GALK2: variants seen among roughly 807,000 people sequenced by gnomAD.
GALK2 encodes the protein galactokinase 2, also known as N-acetylgalactosamine kinase.
GALK2 carries 36 observed loss-of-function variants against 52.4 expected under a neutral mutation model. The observed-to-expected ratio is 0.69, with a 90% CI of 0.53 to 0.91. GALK2 has a LOEUF of 0.91. GALK2 is among the 40% of genes least tolerant of loss of function. The pLI, the probability that GALK2 is intolerant of heterozygous loss-of-function variation, is 0.00. For synonymous variants in GALK2, 176 were observed against 199.1 expected, an observed-to-expected ratio of 0.88 and a Z score of 0.98; for missense variants, 579 against 559.1, an observed-to-expected ratio of 1.04 and a Z score of -0.36.
Position 49,282,206 on chromosome 15 carries a change from T to C in GALK2, c.603+121T>C, listed in dbSNP as rs1024029564. ...GGACAGCCTACTATATTAGGCTCTATTGTAGGATATTATTTCCCAACTGCT... is the reference window on the plus strand; with the variant it reads ...GGACAGCCTACTATATTAGGCTCTACTGTAGGATATTATTTCCCAACTGCT... On this transcript the variant is annotated intron_variant, in intron 6 of 9. Coordinates refer to ENST00000560031, the MANE Select transcript of GALK2 (RefSeq NM_002044.4). 12 of 571,636 alleles carry C rather than the reference T, an allele frequency of 2.1e-5. No individual in the cohort carries two copies. In the African/African-American group the frequency reaches 2.3e-4, roughly 11 times the overall value. 35.4% of individuals were successfully genotyped at this position (571,636 alleles called of 1,614,324 possible). A position where few individuals can be genotyped will look rare whatever the true frequency, so the allele number is the denominator to read the frequency against.
intron 3 of GALK2, chr15:49,365,545 G>T (rs1306743285): frequency 1.1e-6 from 1 of 875,222 alleles, no homozygotes; most frequent in Non-Finnish European, 2.0e-6. Context: ...CAATGTTTCA[G>T]TATTTTCAAA....
intron 1 of GALK2, among the ~76,000 whole-genome samples, chr15:49,179,652 CTTT>C (rs71875041): frequency 0.15 from 21,251 of 138,132 alleles, 1,936 homozygotes; most frequent in Non-Finnish European, 0.21. Flanking sequence ...TTGTTTCTTT[CTTT>C]TTTTTTTTTT....
At chr15:49,273,057 C>G (rs530125758) in intron 5 of GALK2, among the ~76,000 whole-genome samples, 4 of 152,184 alleles carry the variant, frequency 2.6e-5, no homozygotes, top group East Asian at 3.8e-4. Context: ...ATCACGTTCT[C>G]TCCACTGTAC....
At chr15:49,184,806 T>C (rs2086230569) in intron 1 of GALK2, among the ~76,000 whole-genome samples, 1 of 152,192 alleles carries the variant, frequency 6.6e-6, no homozygotes, top group African/African-American at 2.4e-5. Context: ...ATTCATATCT[T>C]ATTGTCTATG....
At chr15:49,252,293 T>C (rs2091642549) in intron 5 of GALK2, among the ~76,000 whole-genome samples, 3 of 151,966 alleles carry the variant, frequency 2.0e-5, no homozygotes, top group South Asian at 4.2e-4. Context: ...CACACACACA[T>C]ACACACACAT....
At chr15:49,208,959 A>G (rs2088564055) in intron 2 of GALK2, among the ~76,000 whole-genome samples, 1 of 152,170 alleles carries the variant, frequency 6.6e-6, no homozygotes, top group African/African-American at 2.4e-5. Context: ...GTTTTGTCTA[A>G]TATAAGAATG....
At chr15:49,187,225 T>C (rs1303943844) in intron 1 of GALK2, among the ~76,000 whole-genome samples, 2 of 152,228 alleles carry the variant, frequency 1.3e-5, no homozygotes, top group East Asian at 3.8e-4. Context: ...TTGGGTAAGA[T>C]CTGGGAGAAT....
chr15:49,341,551 C>T (rs1378311541), intron 3 of GALK2, among the ~76,000 whole-genome samples: 1 of 152,048 alleles, frequency 6.6e-6, no homozygotes, highest in African/African-American at 2.4e-5. Flanking sequence ...GAGGTTTCAC[C>T]ATGTTGCCCA....
At chr15:49,319,567 A>C in intron 8 of GALK2, 37 bp from the exon 9 acceptor site, 1 of 1,585,638 alleles carries the variant, frequency 6.3e-7, no homozygotes, top group Admixed American at 1.7e-5. Context: ...TCCAGTAACT[A>C]TTCCTAACCT....
At chr15:49,159,740 C>T (rs532925654) in intron 1 of GALK2, among the ~76,000 whole-genome samples, 2 of 151,878 alleles carry the variant, frequency 1.3e-5, no homozygotes, top group African/African-American at 4.8e-5. Flanking sequence ...AAATGTTTTT[C>T]CCTAACAGTC....
chr15:49,305,745 G>C (rs1185208575), intron 8 of GALK2, among the ~76,000 whole-genome samples: 1 of 152,122 alleles, frequency 6.6e-6, no homozygotes, highest in Non-Finnish European at 1.5e-5. Context: ...AGAGTCATAT[G>C]AATAAAGAAA....
At chr15:49,306,145 C>T (rs1230385503) in intron 8 of GALK2, among the ~76,000 whole-genome samples, 1 of 151,738 alleles carries the variant, frequency 6.6e-6, no homozygotes, top group Non-Finnish European at 1.5e-5. Flanking sequence ...TTCAGTCACC[C>T]CAGGTCACTC....
At chr15:49,318,553 G>T (rs2036609522) in intron 8 of GALK2, among the ~76,000 whole-genome samples, 1 of 152,018 alleles carries the variant, frequency 6.6e-6, no homozygotes, top group South Asian at 2.1e-4. Flanking sequence ...TTTCAAAAAT[G>T]AATATAGCAT....
intron 3 of GALK2, among the ~76,000 whole-genome samples, chr15:49,225,809 G>C (rs2090099777): frequency 6.6e-6 from 1 of 152,216 alleles, no homozygotes; most frequent in Non-Finnish European, 1.5e-5. Context: ...CCATCTTTTG[G>C]CTCCCTTTGG....
intron 3 of GALK2, among the ~76,000 whole-genome samples, chr15:49,219,123 G>A (rs144753503): frequency 3.2e-4 from 49 of 152,204 alleles, no homozygotes; most frequent in African/African-American, 1.1e-3. Context: ...TACTGCATCC[G>A]TCCTGGTTTG....
At chr15:49,178,989 CCTAT>C (rs2085746695) in intron 1 of GALK2, among the ~76,000 whole-genome samples, 1 of 152,074 alleles carries the variant, frequency 6.6e-6, no homozygotes, top group Non-Finnish European at 1.5e-5. Context: ...TTCTATTCAA[CCTAT>C]CTACTATTTT....
chr15:49,185,210 A>G (rs1295394121), intron 1 of GALK2, among the ~76,000 whole-genome samples: 3 of 152,154 alleles, frequency 2.0e-5, no homozygotes, highest in South Asian at 2.1e-4. Context: ...GCTCTTACTC[A>G]TAAGTAAGAA....
At chr15:49,192,485 G>GTATATA (rs58230206) in intron 1 of GALK2, among the ~76,000 whole-genome samples, 2,078 of 102,668 alleles carry the variant, frequency 0.02, 136 homozygotes, top group African/African-American at 0.051. Flanking sequence ...ATATATATAT[G>GTATATA]TATATATATA....
At chr15:49,343,222 C>T (rs561298417) in intron 3 of GALK2, among the ~76,000 whole-genome samples, 6 of 152,066 alleles carry the variant, frequency 3.9e-5, no homozygotes, top group African/African-American at 1.4e-4. Flanking sequence ...GTTTATTTTT[C>T]TTAATTCTTT....
Sources: gnomAD v4.1 joint callset for allele counts (sites outside exome capture counted in the v4.1 genomes callset) on GRCh38, gnomAD v4.1.1 for gene constraint, MANE v1.5 for transcripts, NCBI Gene and HGNC (gene_info 2026-07-23, HGNC 2026-07-21) for gene names.